The following INTS4 variants were observed in gnomAD, a reference collection of about 807,000 sequenced individuals.
INTS4 encodes the protein MSTP093.
INTS4 carries 70 observed loss-of-function variants against 119.5 expected under a neutral mutation model. The ratio of observed to expected loss-of-function variants is 0.59; its 90% CI spans 0.48 to 0.71. INTS4 has a LOEUF of 0.71. INTS4 is among the 30% of genes least tolerant of loss of function. The probability of loss-of-function intolerance (pLI) is 0.00; values close to 1 mark genes in which losing one functional copy is unlikely to be tolerated. For synonymous variants in INTS4, 316 were observed against 419.6 expected, an observed-to-expected ratio of 0.75 and a Z score of 3.02; for missense variants, 867 against 1,173.2, an observed-to-expected ratio of 0.74 and a Z score of 3.81.
intron 14 of INTS4, among the ~76,000 whole-genome samples, chr11:77,919,645 C>T (rs1228258145): frequency 2.6e-5 from 4 of 152,078 alleles, no homozygotes; most frequent in African/African-American, 9.7e-5. Flanking sequence ...TGATTTATTC[C>T]CAAATAAATT....
chr11:77,944,944 A>C (rs1359308664), intron 8 of INTS4, among the ~76,000 whole-genome samples: 2 of 152,238 alleles, frequency 1.3e-5, no homozygotes, highest in African/African-American at 4.8e-5. Context: ...TTAAAAAAAA[A>C]TGGCTCACCA....
intron 5 of INTS4, 106 bp downstream of exon 5, chr11:77,960,847 A>G (rs1248510279): frequency 4.9e-6 from 5 of 1,026,562 alleles, no homozygotes; most frequent in Non-Finnish European, 5.7e-6. Context: ...TACCCTCCTG[A>G]AAGTATATGC....
At chr11:77,942,359 C>T (rs597289) in intron 8 of INTS4, among the ~76,000 whole-genome samples, 88,115 of 151,922 alleles carry the variant, frequency 0.58, 25,785 homozygotes, top group African/African-American at 0.61. Context: ...AATATTAAGT[C>T]GTTTTACAAA....
rs765965371 is a variant in INTS4 at position 77,924,850 on chromosome 11, A to G, written c.1414T>C (p.Cys472Arg). The change falls in exon 12 of 23, where the codon TGC (cysteine) becomes CGC (arginine). Residue 472 changes from cysteine (C) to arginine (R), a missense_variant. This residue lies in a region of INTS4 where 51 missense variants were observed against 125.5 expected (regional missense o/e 0.41). Transcript: ENST00000534064. Reference sequence around the variant, plus strand: ...TCTTTGGTTGAAACATTAGTACAGCATAAGAGTTCATGAAGAGCCTCTCGA... The same window carrying G: ...TCTTTGGTTGAAACATTAGTACAGCGTAAGAGTTCATGAAGAGCCTCTCGA... ...DIREALHELL[C>R]CTNVSTKEGI... 4 of 1,594,136 alleles carry G rather than the reference A, an allele frequency of 2.5e-6. No individual in the cohort carries two copies. Among genetic ancestry groups the G allele is most frequent in the Non-Finnish European group, 3.4e-6 (4 of 1,162,844 alleles).
At chr11:77,988,776 G>A (rs1307585454) in intron 2 of INTS4, among the ~76,000 whole-genome samples, 1 of 152,100 alleles carries the variant, frequency 6.6e-6, no homozygotes, top group Non-Finnish European at 1.5e-5. Flanking sequence ...TAAATACAGA[G>A]AACAGAGGAA....
At chr11:77,948,568 AC>A (rs1954104206) in intron 8 of INTS4, among the ~76,000 whole-genome samples, 1 of 151,150 alleles carries the variant, frequency 6.6e-6, no homozygotes, top group South Asian at 2.1e-4. Context: ...AACCACTTGA[AC>A]CCAGGAGGTG....
intron 13 of INTS4, among the ~76,000 whole-genome samples, chr11:77,922,058 T>G (rs1016075140): frequency 1.3e-5 from 2 of 151,250 alleles, no homozygotes. Flanking sequence ...TGATACCTCA[T>G]CTCTACTAAA....
rs1952850634 is a variant in INTS4, at chr11:77,903,690, A to G, written c.2017-70T>C. 7 of 1,249,960 alleles carry G rather than the reference A, an allele frequency of 5.6e-6. No homozygotes were observed. The South Asian group carries it at 9.8e-5, about 17-fold the overall frequency. The allele number at this position is 1,249,960 out of a possible 1,614,324, so 77.4% of individuals were successfully genotyped here. A position where few individuals can be genotyped will look rare whatever the true frequency, so the allele number is the denominator to read the frequency against. Reference sequence around the variant, plus strand: ...GACTGGCCTATCATTTGGGATTTACATTTTTGTTTTCCTTTGAAAGTCTCC... The same window carrying G: ...GACTGGCCTATCATTTGGGATTTACGTTTTTGTTTTCCTTTGAAAGTCTCC... On this transcript the variant is annotated intron_variant, in intron 16 of 22. Coordinates refer to ENST00000534064, the MANE Select transcript of INTS4 (RefSeq NM_033547.4).
chr11:77,876,026 T>C (rs1951584309), downstream of INTS4, among the ~76,000 whole-genome samples: 1 of 152,108 alleles, frequency 6.6e-6, no homozygotes, highest in African/African-American at 2.4e-5. Context: ...AGCAGGGGAA[T>C]GGTGTGGTCA....
At position 77,938,749 on chromosome 11, in the gene INTS4, T is replaced by A; in HGVS notation, c.1067A>T (p.Asp356Val). The change falls in exon 10 of 23, where the codon GAT becomes GTT. Residue 356 changes from aspartate to valine, a missense_variant. Transcript: ENST00000534064. The part of the protein sequence containing the change: ...GEFSSGRKWG[D>V]DAPKEEVDTG... Reference sequence around the variant, plus strand: ...ATCTACTTCTTCCTTGGGAGCATCATCTCCCCACTTTCTGCCACTGGAAAA... The same window carrying A: ...ATCTACTTCTTCCTTGGGAGCATCAACTCCCCACTTTCTGCCACTGGAAAA... 6.2e-7 allele frequency: 1 copy of A among 1,611,976 alleles called. No individual in the cohort carries two copies. The highest frequency in any genetic ancestry group is 8.5e-7 in the Non-Finnish European group (1 of 1,179,856).
intron 9 of INTS4, among the ~76,000 whole-genome samples, chr11:77,939,473 A>G (rs940246039): frequency 6.6e-6 from 1 of 151,942 alleles, no homozygotes; most frequent in African/African-American, 2.4e-5. Flanking sequence ...TCCCAGTAAA[A>G]GTATTTTTCT....
intron 4 of INTS4, among the ~76,000 whole-genome samples, chr11:77,976,752 A>T (rs1855967730): frequency 6.6e-6 from 1 of 152,222 alleles, no homozygotes; most frequent in Non-Finnish European, 1.5e-5. Flanking sequence ...AGCCATAAAA[A>T]ATGATGAGTT....
At chr11:77,984,573 G>T (rs1163407476) in intron 2 of INTS4, among the ~76,000 whole-genome samples, 1 of 151,854 alleles carries the variant, frequency 6.6e-6, no homozygotes, top group Admixed American at 6.6e-5. Context: ...CTGTTTAATG[G>T]GGAAAGAGTT....
rs1233995727 is a variant in INTS4 at position 77,918,948 on chromosome 11, C to G, written c.1795G>C (p.Val599Leu). 4 of 1,613,814 alleles carry G rather than the reference C, an allele frequency of 2.5e-6. No individual in the cohort carries two copies. The highest frequency in any genetic ancestry group is 2.7e-5 in the African/African-American group (2 of 74,914). ...LPGRKLVSSA[V>L]SPSIIPQEDP... ...TCTTGAGGTATGATGCTGGGAGAAA[C>G]AGCTGATGACACCAGTTTTCTACCT... The change falls in exon 15 of 23, where the codon GTT (valine) becomes CTT (leucine). Residue 599 changes from valine to leucine, a missense_variant. Coordinates refer to ENST00000534064, the MANE Select transcript of INTS4 (RefSeq NM_033547.4).
intron 4 of INTS4, among the ~76,000 whole-genome samples, chr11:77,969,342 T>C (rs528147171): frequency 6.6e-6 from 1 of 152,238 alleles, no homozygotes; most frequent in Non-Finnish European, 1.5e-5. Flanking sequence ...ATCAATGGTA[T>C]GTATGTATAG....
intron 22 of INTS4, 55 bp downstream of exon 22, chr11:77,883,777 T>G: frequency 1.3e-6 from 2 of 1,587,544 alleles, no homozygotes; most frequent in Non-Finnish European, 1.7e-6. Context: ...CGCTTAAGGG[T>G]AGGTGTGATC....
At chr11:77,970,720 T>G (rs1855696160) in intron 4 of INTS4, among the ~76,000 whole-genome samples, 2 of 152,040 alleles carry the variant, frequency 1.3e-5, no homozygotes, top group African/African-American at 4.8e-5. Flanking sequence ...TCCCAGCTAC[T>G]TGGGAGGCTG....
intron 8 of INTS4, among the ~76,000 whole-genome samples, chr11:77,942,375 C>T (rs189647874): frequency 2.6e-5 from 4 of 152,146 alleles, no homozygotes; most frequent in East Asian, 1.9e-4. Flanking sequence ...ACAAATGGAA[C>T]GTAAGATAGG....
At chr11:77,943,450 A>G (rs1953976597) in intron 8 of INTS4, among the ~76,000 whole-genome samples, 1 of 152,242 alleles carries the variant, frequency 6.6e-6, no homozygotes, top group Admixed American at 6.5e-5. Context: ...TTGTGACTCA[A>G]TGGATGTGAG....
Sources: allele counts gnomAD v4.1 joint callset (sites outside exome capture counted in the v4.1 genomes callset), GRCh38; gene constraint gnomAD v4.1.1; regional missense constraint gnomAD v4.1.1; transcripts MANE v1.5; gene names NCBI Gene and HGNC (gene_info 2026-07-23, HGNC 2026-07-21).